ITGB3: variants seen among roughly 807,000 people sequenced by gnomAD.
ITGB3 encodes the protein integrin subunit beta 3, also known as integrin beta-3.
ITGB3 carries 48 observed loss-of-function variants against 85.8 expected under a neutral mutation model. The observed-to-expected ratio is 0.56, with a 90% CI of 0.44 to 0.71. ITGB3 has a LOEUF of 0.71. ITGB3 is among the 30% of genes least tolerant of loss of function. The probability of loss-of-function intolerance (pLI) is 0.00; values close to 1 mark genes in which losing one functional copy is unlikely to be tolerated. For missense variants in ITGB3, 861 were observed against 1,019.1 expected (o/e 0.84, Z 2.11); for synonymous variants, 363 against 395.6 (o/e 0.92, Z 0.98).
intron 4 of ITGB3, among the ~76,000 whole-genome samples, chr17:47,285,302 G>A (rs1312662204): frequency 6.6e-6 from 1 of 152,292 alleles, no homozygotes; most frequent in East Asian, 1.9e-4. Flanking sequence ...GAAAAGGTGT[G>A]AATTTACTTT....
In ITGB3 at chr17:47,309,911, A is replaced by G. The variant is rs943377469; in HGVS notation, c.2302-228A>G. Among the ~76,000 whole-genome samples, 25 of 151,832 alleles carry G rather than the reference A, an allele frequency of 1.6e-4. No individual in the cohort carries two copies. The South Asian group carries it at 2.1e-3, about 13-fold the overall frequency. ...ACCCTGTCTGAAAAAAAAAAAAAAA[A>G]AAAGAAACGGTGGCAGGATGGCATT... On this transcript the variant is annotated intron_variant, in intron 14 of 14. Transcript: ENST00000559488.
chr17:47,258,786 G>A (rs8077375), intron 1 of ITGB3, among the ~76,000 whole-genome samples: 27,236 of 152,038 alleles, frequency 0.18, 2,544 homozygotes, highest in East Asian at 0.25. Flanking sequence ...CTCAACCCTC[G>A]TCGGTTGCAA....
At chr17:47,255,217 G>T (rs2064984761) in intron 1 of ITGB3, among the ~76,000 whole-genome samples, 1 of 151,986 alleles carries the variant, frequency 6.6e-6, no homozygotes, top group Non-Finnish European at 1.5e-5. Context: ...GGCCTCAAGT[G>T]ATCCGCCCAC....
chr17:47,298,055 G>A (rs1196165345), intron 10 of ITGB3, among the ~76,000 whole-genome samples: 1 of 152,160 alleles, frequency 6.6e-6, no homozygotes. Context: ...GTCAGATTGA[G>A]AAGGGAACCA....
At chr17:47,279,259 T>C (rs571454192) in intron 2 of ITGB3, among the ~76,000 whole-genome samples, 2 of 152,340 alleles carry the variant, frequency 1.3e-5, no homozygotes, top group East Asian at 3.9e-4. Flanking sequence ...TTTGCCCTTT[T>C]TGTGTAACAT....
At chr17:47,275,642 C>T (rs1453538369) in intron 2 of ITGB3, among the ~76,000 whole-genome samples, 1 of 152,200 alleles carries the variant, frequency 6.6e-6, no homozygotes, top group Non-Finnish European at 1.5e-5. Flanking sequence ...AAGGCAACCT[C>T]CCTGGCCGCC....
chr17:47,308,962 CCCTCT>C (rs1243703703), intron 14 of ITGB3, among the ~76,000 whole-genome samples: 2 of 128,870 alleles, frequency 1.6e-5, no homozygotes, highest in East Asian at 3.2e-4. Context: ...CCCTCCCCTC[CCCTCT>C]CCTCCCCTCC....
intron 1 of ITGB3, among the ~76,000 whole-genome samples, chr17:47,268,491 A>G (rs2046934188): frequency 6.6e-6 from 1 of 152,204 alleles, no homozygotes; most frequent in Non-Finnish European, 1.5e-5. Context: ...AAATGGGAGA[A>G]ATTGGCCAAA....
chr17:47,281,542 G>A (rs747780257), intron 2 of ITGB3, among the ~76,000 whole-genome samples: 1 of 152,178 alleles, frequency 6.6e-6, no homozygotes, highest in Non-Finnish European at 1.5e-5. Flanking sequence ...CTGATTTTCA[G>A]TGTTCTTTCC....
At chr17:47,271,068 G>T (rs1418790637) in intron 1 of ITGB3, among the ~76,000 whole-genome samples, 1 of 152,176 alleles carries the variant, frequency 6.6e-6, no homozygotes, top group Non-Finnish European at 1.5e-5. Flanking sequence ...GCTGGGCAGG[G>T]CAGAGCAGGT....
chr17:47,274,808 AGTTT>A (rs1276628362), intron 2 of ITGB3, among the ~76,000 whole-genome samples: 4 of 152,120 alleles, frequency 2.6e-5, no homozygotes, highest in African/African-American at 9.7e-5. Context: ...TAAGAAAAAC[AGTTT>A]ATTTTAAATT....
At chr17:47,269,949 A>G (rs1361713740) in intron 1 of ITGB3, among the ~76,000 whole-genome samples, 1 of 152,232 alleles carries the variant, frequency 6.6e-6, no homozygotes, top group East Asian at 1.9e-4. Flanking sequence ...GCCTCAGGAA[A>G]CTTACAATCA....
At chr17:47,304,232 G>T (rs996216111) in intron 13 of ITGB3, among the ~76,000 whole-genome samples, 1 of 152,172 alleles carries the variant, frequency 6.6e-6, no homozygotes, top group Non-Finnish European at 1.5e-5. Context: ...TCTAGGCTCC[G>T]CCTCCCTGCT....
intron 1 of ITGB3, among the ~76,000 whole-genome samples, chr17:47,257,640 G>A (rs570965793): frequency 6.6e-6 from 1 of 152,320 alleles, no homozygotes; most frequent in African/African-American, 2.4e-5. Context: ...TGCTCCGTTT[G>A]GATAATCTGG....
In ITGB3 at chr17:47,283,504, G is replaced by T. The variant is rs1186091732; in HGVS notation, c.316G>T (p.Val106Phe). The change falls in exon 3 of 15, where the codon GTC (valine) becomes TTC (phenylalanine). Residue 106 changes from valine (V) to phenylalanine (F), a missense_variant. Physicochemically the swap from Val to Phe is conservative, Grantham distance 50 (BLOSUM62 -1). Transcript: ENST00000559488. ...CAAGGGCTCTGGAGACAGCTCCCAGGTCACTCAAGTCAGTCCCCAGAGGAT... is the reference window on the plus strand; with the variant it reads ...CAAGGGCTCTGGAGACAGCTCCCAGTTCACTCAAGTCAGTCCCCAGAGGAT... ...SDKGSGDSSQVTQVSPQRIAL... is the reference protein window; with the variant it reads ...SDKGSGDSSQFTQVSPQRIAL... 3 of 1,614,248 alleles carry T rather than the reference G, an allele frequency of 1.9e-6. No individual in the cohort carries two copies. Among genetic ancestry groups the T allele is most frequent in the Non-Finnish European group, 2.5e-6 (3 of 1,180,048 alleles).
chr17:47,284,287 T>G (rs968015713), intron 3 of ITGB3, among the ~76,000 whole-genome samples, 156 bp from the exon 4 acceptor site: 4 of 152,016 alleles, frequency 2.6e-5, no homozygotes, highest in African/African-American at 9.7e-5. Context: ...GTCAAGAGAT[T>G]AGAAGAGTAA....
intron 2 of ITGB3, among the ~76,000 whole-genome samples, chr17:47,275,194 C>T (rs990776708): frequency 6.6e-6 from 1 of 152,094 alleles, no homozygotes; most frequent in Non-Finnish European, 1.5e-5. Flanking sequence ...TTTTCTTTCT[C>T]TTCTTCTTTC....
intron 2 of ITGB3, 60 bp from the exon 3 acceptor site, chr17:47,283,294 G>A: frequency 6.5e-7 from 1 of 1,533,492 alleles, no homozygotes; most frequent in Non-Finnish European, 9.0e-7. Context: ...GGGCCTGCAG[G>A]AGGTAGAGAG....
intron 2 of ITGB3, among the ~76,000 whole-genome samples, chr17:47,282,855 C>T (rs1481363413): frequency 6.6e-6 from 1 of 152,186 alleles, no homozygotes; most frequent in Non-Finnish European, 1.5e-5. Context: ...AACCCTTTGA[C>T]TATTTGTACA....
Sources: allele counts gnomAD v4.1 joint callset (sites outside exome capture counted in the v4.1 genomes callset), GRCh38; gene constraint gnomAD v4.1.1; transcripts MANE v1.5; gene names NCBI Gene and HGNC (gene_info 2026-07-23, HGNC 2026-07-21).